Variants in SORBS2 observed in about 807,000 individuals in gnomAD.
SORBS2 encodes the protein sorbin and SH3 domain-containing protein 2.
Under a neutral mutation model 97.7 loss-of-function variants are expected in SORBS2, and 46 were observed. That is an observed-to-expected ratio of 0.47 (90% CI 0.37 to 0.60). The LOEUF (loss-of-function observed/expected upper bound fraction) is 0.60, where lower values mean the gene tolerates loss of function less well. Among genes scored for constraint, SORBS2 ranks in the 20% least tolerant of loss-of-function variants. The pLI is 0.00. For missense variants in SORBS2, 1,316 were observed against 1,282.3 expected, an observed-to-expected ratio of 1.03 and a Z score of -0.40; for synonymous variants, 476 against 473.4, an observed-to-expected ratio of 1.01 and a Z score of -0.07.
rs75441863 is a variant in SORBS2, at chr4:185,903,973, T to A, written c.-338+52223A>T. Among the ~76,000 whole-genome samples, 224 of 152,324 alleles carry A rather than the reference T, an allele frequency of 1.5e-3. 2 individuals carry two copies. The highest frequency in any genetic ancestry group is 5.3e-3 in the African/African-American group (219 of 41,568). ...GGTCTTATTTGCCCTCCAAGAATAC[T>A]TATACAGCAAAAATACCCATTCCTC... On this transcript the variant is annotated intron_variant, in intron 1 of 20. Transcript: ENST00000284776.
At chr4:185,631,938 A>T (rs2153434496) in intron 4 of SORBS2, among the ~76,000 whole-genome samples, 1 of 152,378 alleles carries the variant, frequency 6.6e-6, no homozygotes, top group South Asian at 2.1e-4. Flanking sequence ...ATTCTAGTTT[A>T]AAAACATTTG....
chr4:185,822,216 T>C (rs2099197182), intron 1 of SORBS2, among the ~76,000 whole-genome samples: 1 of 152,262 alleles, frequency 6.6e-6, no homozygotes, highest in Non-Finnish European at 1.5e-5. Context: ...ATTTAGGGTT[T>C]GACAGTCATC....
chr4:185,699,690 T>C (rs1047839795), intron 2 of SORBS2, among the ~76,000 whole-genome samples: 1 of 152,116 alleles, frequency 6.6e-6, no homozygotes, highest in African/African-American at 2.4e-5. Context: ...TCTGAAGAAA[T>C]TTTGAATGCA....
At chr4:185,628,607 C>T (rs929039201) in intron 5 of SORBS2, among the ~76,000 whole-genome samples, 1 of 152,058 alleles carries the variant, frequency 6.6e-6, no homozygotes, top group Admixed American at 6.6e-5. Flanking sequence ...AAAAAGTTAG[C>T]CAGTTGTGTC....
chr4:185,876,133 G>A (rs62334984), intron 1 of SORBS2, among the ~76,000 whole-genome samples: 32,506 of 151,546 alleles, frequency 0.21, 3,961 homozygotes, highest in East Asian at 0.52. Flanking sequence ...TTTTTGAGAT[G>A]GAGTCCCACT....
rs115362024 is a variant in SORBS2, at chr4:185,638,736, G to A, written c.396+7932C>T. 898 of 701,568 alleles carry A rather than the reference G, an allele frequency of 1.3e-3. 9 individuals are homozygous for A. In the African/African-American group the frequency reaches 0.015, roughly 12 times the overall value. The allele number at this position is 701,568 out of a possible 1,614,324, so 43.5% of individuals were successfully genotyped here. On this transcript the variant is annotated intron_variant, in intron 4 of 14. Transcript: ENST00000418609. The stretch of plus-strand genomic sequence containing the variant: ...ACAGGGCATTGGGGGGCTCTCAGGG[G>A]CCTGTGGATGAGAAGATTCTGGGGC...
At chr4:185,691,875 GCT>G (rs1302695241) in intron 2 of SORBS2, among the ~76,000 whole-genome samples, 2 of 152,120 alleles carry the variant, frequency 1.3e-5, no homozygotes, top group African/African-American at 4.8e-5. Flanking sequence ...CTCCCAAGTA[GCT>G]GGGACTACAG....
intron 3 of SORBS2, among the ~76,000 whole-genome samples, chr4:185,648,789 G>T (rs1019561717): frequency 3.3e-5 from 5 of 152,106 alleles, no homozygotes; most frequent in Non-Finnish European, 7.3e-5. Flanking sequence ...AAAATAGAAA[G>T]TATCTCACTG....
chr4:185,668,469 T>A (rs552421398), intron 4 of SORBS2, among the ~76,000 whole-genome samples: 1 of 152,330 alleles, frequency 6.6e-6, no homozygotes, highest in East Asian at 1.9e-4. Flanking sequence ...GTGAGTCACA[T>A]CACACTTAAA....
At chr4:185,612,994 T>C (rs1183448916) in intron 11 of SORBS2, among the ~76,000 whole-genome samples, 1 of 152,232 alleles carries the variant, frequency 6.6e-6, no homozygotes, top group Non-Finnish European at 1.5e-5. Flanking sequence ...AACCCTTGGC[T>C]TTCACAATGA....
Position 185,875,922 on chromosome 4 carries a change from T to C in SORBS2, c.-338+80274A>G, listed in dbSNP as rs544829459. Among the ~76,000 whole-genome samples the C allele has an allele frequency of 7.2e-5, 11 of 152,360 alleles. No individual in the cohort carries two copies. In the South Asian group the frequency reaches 1.0e-3, roughly 14 times the overall value. On this transcript the variant is annotated intron_variant, in intron 1 of 20. Coordinates refer to the SORBS2 transcript ENST00000284776. ...AATATTATTATTTTTAAAAGTACCATAATATGGAATTGTTGTATTTTAATT... is the reference window on the plus strand; with the variant it reads ...AATATTATTATTTTTAAAAGTACCACAATATGGAATTGTTGTATTTTAATT...
rs2097838013 is a variant in SORBS2 at position 185,679,154 on chromosome 4, C to T, written c.-197-332G>A. Among the ~76,000 whole-genome samples, 2 of 152,138 alleles carry T rather than the reference C, an allele frequency of 1.3e-5. 1 individual carries two copies. Among genetic ancestry groups the T allele is most frequent in the South Asian group, 4.1e-4 (2 of 4,820 alleles). ...ATCAAATTAAAGGATCAAAAGAGAT[C>T]TGGTTTATAAACAGCACTAACTCAA... On this transcript the variant is annotated intron_variant, in intron 2 of 20. Coordinates refer to the SORBS2 transcript ENST00000284776.
chr4:185,692,173 G>A (rs192597575), intron 2 of SORBS2, among the ~76,000 whole-genome samples: 2 of 152,246 alleles, frequency 1.3e-5, no homozygotes, highest in Admixed American at 1.3e-4. Context: ...CTAAGTCCAA[G>A]AGCTCCCTGC....
At chr4:185,795,354 A>G (rs1384327387) in intron 1 of SORBS2, among the ~76,000 whole-genome samples, 2 of 152,100 alleles carry the variant, frequency 1.3e-5, no homozygotes, top group African/African-American at 4.8e-5. Flanking sequence ...TGCCACTGGG[A>G]CAAGCTCACC....
rs1431293135 is a variant in SORBS2, at chr4:185,868,155, C to CTTTTTTTTTTTTTT, written c.-338+88040_-338+88041insAAAAAAAAAAAAAA. ...CCTTTCTCTTTTCTTTTCTTTTTTTCTTTCTTTTTTTTTTTTTTTGAGGCA... is the reference window on the plus strand; with the variant it reads ...CCTTTCTCTTTTCTTTTCTTTTTTTCTTTTTTTTTTTTTTTTTCTTTTTTTTTTTTTTTGAGGCA... On this transcript the variant is annotated intron_variant, in intron 1 of 20. Coordinates refer to the SORBS2 transcript ENST00000284776. 3.8e-3 allele frequency among the ~76,000 whole-genome samples: 386 copies of CTTTTTTTTTTTTTT among 100,650 alleles called. 43 individuals carry two copies. The highest frequency in any genetic ancestry group is 0.013 in the Middle Eastern group (2 of 156). 66.0% of individuals were successfully genotyped at this position (100,650 alleles called of 152,430 possible). A position where few individuals can be genotyped will look rare whatever the true frequency, so the allele number is the denominator to read the frequency against.
chr4:185,595,317 A>G (rs1224421880), intron 12 of SORBS2, among the ~76,000 whole-genome samples: 2 of 152,220 alleles, frequency 1.3e-5, no homozygotes, highest in South Asian at 2.1e-4. Flanking sequence ...TTAAGAGTGA[A>G]ATAGTTTACT....
intron 4 of SORBS2, among the ~76,000 whole-genome samples, chr4:185,663,197 T>C (rs2097545863): frequency 6.6e-6 from 1 of 152,226 alleles, no homozygotes; most frequent in Non-Finnish European, 1.5e-5. Flanking sequence ...GTTAAAATTA[T>C]AGCTAAATAC....
Position 185,595,447 on chromosome 4 carries a change from G to T in SORBS2, c.2797-1512C>A, listed in dbSNP as rs62344732. Among the ~76,000 whole-genome samples, 1,219 of 152,100 alleles carry T rather than the reference G, an allele frequency of 8.0e-3. 10 individuals are homozygous for T. The highest frequency in any genetic ancestry group is 0.013 in the Non-Finnish European group (861 of 67,962). ...CCATCTTAAAGGTCATTTAATTCAAGATATTATTAAATCAATTTAAATATA... is the reference window on the plus strand; with the variant it reads ...CCATCTTAAAGGTCATTTAATTCAATATATTATTAAATCAATTTAAATATA... On this transcript the variant is annotated intron_variant, in intron 12 of 14. Transcript: ENST00000418609.
chr4:185,838,987 G>A (rs2099209865), intron 1 of SORBS2, among the ~76,000 whole-genome samples: 1 of 152,182 alleles, frequency 6.6e-6, no homozygotes, highest in South Asian at 2.1e-4. Context: ...TGCTTTCCAT[G>A]GGGCATAAAC....
Sources: gnomAD v4.1 joint callset for allele counts (sites outside exome capture counted in the v4.1 genomes callset) on GRCh38, gnomAD v4.1.1 for gene constraint, MANE v1.5 for transcripts, NCBI Gene and HGNC (gene_info 2026-07-23, HGNC 2026-07-21) for gene names.